The following ZNF521 variants were observed in gnomAD, a reference collection of about 807,000 sequenced individuals.
The protein encoded by ZNF521 is LYST-interacting protein 3.
Under a neutral mutation model 105.5 loss-of-function variants are expected in ZNF521, and 14 were observed. The ratio of observed to expected loss-of-function variants is 0.13; its 90% CI spans 0.09 to 0.21. The LOEUF (loss-of-function observed/expected upper bound fraction) is 0.21, where lower values mean the gene tolerates loss of function less well. ZNF521 is among the 10% of genes least tolerant of loss of function. The probability of loss-of-function intolerance (pLI) is 1.00; values close to 1 mark genes in which losing one functional copy is unlikely to be tolerated. For missense variants in ZNF521, 1,233 were observed against 1,629.7 expected, an observed-to-expected ratio of 0.76 and a Z score of 4.19; for synonymous variants, 635 against 606.0, an observed-to-expected ratio of 1.05 and a Z score of -0.70.
chr18:25,082,879 G>C (rs1452636444), intron 7 of ZNF521, among the ~76,000 whole-genome samples: 1 of 149,180 alleles, frequency 6.7e-6, no homozygotes, highest in Admixed American at 6.7e-5. Context: ...ATTAAGCTCT[G>C]TAGGAAATAA....
intron 3 of ZNF521, among the ~76,000 whole-genome samples, chr18:25,281,398 T>G (rs1039316287): frequency 6.6e-6 from 1 of 152,216 alleles, no homozygotes; most frequent in Non-Finnish European, 1.5e-5. Context: ...AAAGTACAAC[T>G]TTGGCCCAAA....
intron 2 of ZNF521, among the ~76,000 whole-genome samples, chr18:25,335,402 C>T (rs938314130): frequency 3.3e-4 from 50 of 152,270 alleles, no homozygotes; most frequent in African/African-American, 1.1e-3. Context: ...TCTGTATCCT[C>T]TCCTGTCCTC....
intron 7 of ZNF521, among the ~76,000 whole-genome samples, chr18:25,078,949 C>T (rs1281193226): frequency 6.6e-6 from 1 of 152,176 alleles, no homozygotes; most frequent in African/African-American, 2.4e-5. Flanking sequence ...TTCTGTGACC[C>T]TCTGCCGGCT....
intron 5 of ZNF521, among the ~76,000 whole-genome samples, chr18:25,144,285 C>A (rs567062727): frequency 6.6e-6 from 1 of 152,092 alleles, no homozygotes; most frequent in East Asian, 1.9e-4. Flanking sequence ...CTTCTGTGAG[C>A]GCACTCTCTC....
At chr18:25,092,159 C>A in intron 5 of ZNF521, 78 bp from the exon 6 acceptor site, 1 of 1,526,324 alleles carries the variant, frequency 6.6e-7, no homozygotes, top group South Asian at 1.2e-5. Context: ...TCTTTAATTG[C>A]ATATATTAAA....
intron 3 of ZNF521, among the ~76,000 whole-genome samples, chr18:25,316,194 C>T (rs771543437): frequency 2.0e-5 from 3 of 150,554 alleles, no homozygotes; most frequent in South Asian, 2.1e-4. Context: ...GACCATGGAA[C>T]GGGCAGGGAG....
chr18:25,181,905 A>G (rs1485375461), intron 5 of ZNF521, among the ~76,000 whole-genome samples: 1 of 152,238 alleles, frequency 6.6e-6, no homozygotes, highest in Non-Finnish European at 1.5e-5. Flanking sequence ...ACCTGCATTA[A>G]GGAAACTGGT....
At chr18:25,086,155 C>T (rs916075733) in intron 7 of ZNF521, among the ~76,000 whole-genome samples, 1 of 152,014 alleles carries the variant, frequency 6.6e-6, no homozygotes, top group Non-Finnish European at 1.5e-5. Context: ...AAAATGGCTT[C>T]ATTTTTCTAC....
intron 5 of ZNF521, among the ~76,000 whole-genome samples, chr18:25,129,314 G>A (rs1268565306): frequency 4.0e-5 from 6 of 149,672 alleles, no homozygotes; most frequent in Non-Finnish European, 1.5e-5. Flanking sequence ...TCTAGACACA[G>A]ATCTTACACA....
In ZNF521 at chr18:25,100,777, C is replaced by T. The variant is rs192680275; in HGVS notation, c.3659-8696G>A. ...TGAAACTTGAATTCTTCTAATCAAA[C>T]GATGCCACCCCTTAGAGAAATTTGC... is the stretch of plus-strand genomic sequence containing the variant. On this transcript the variant is annotated intron_variant, in intron 5 of 7. Coordinates refer to ENST00000361524, the MANE Select transcript of ZNF521 (RefSeq NM_015461.3). Among the ~76,000 whole-genome samples, 1,449 of 152,136 alleles carry T rather than the reference C, an allele frequency of 9.5e-3. 15 individuals carry two copies. The highest frequency in any genetic ancestry group is 0.016 in the Non-Finnish European group (1,101 of 68,000).
intron 5 of ZNF521, among the ~76,000 whole-genome samples, chr18:25,116,955 G>GTATATATGTA (rs1406879643): frequency 1.8e-5 from 2 of 108,824 alleles, no homozygotes; most frequent in Non-Finnish European, 3.6e-5. Context: ...ACATATATAT[G>GTATATATGTA]TATATATGTA....
chr18:25,105,874 G>A (rs540957745), intron 5 of ZNF521, among the ~76,000 whole-genome samples: 28 of 152,246 alleles, frequency 1.8e-4, no homozygotes, highest in African/African-American at 6.0e-4. Context: ...TGTTGATAAC[G>A]TATGTTTAGT....
chr18:25,338,703 C>A (rs74618334), intron 2 of ZNF521, among the ~76,000 whole-genome samples: 1 of 152,106 alleles, frequency 6.6e-6, no homozygotes, highest in African/African-American at 2.4e-5. Flanking sequence ...TGAGCCATTG[C>A]GCCCAGTCAT....
intron 2 of ZNF521, among the ~76,000 whole-genome samples, chr18:25,338,944 A>C (rs1914048732): frequency 6.6e-6 from 1 of 152,208 alleles, no homozygotes; most frequent in Admixed American, 6.5e-5. Context: ...GTATTTAGAG[A>C]GCATTCTAAG....
At chr18:25,069,355 G>T (rs1310092208) in intron 7 of ZNF521, among the ~76,000 whole-genome samples, 2 of 152,094 alleles carry the variant, frequency 1.3e-5, no homozygotes, top group Non-Finnish European at 2.9e-5. Flanking sequence ...TCTTAATAAG[G>T]TTAACAGGAT....
chr18:25,068,026 A>T (rs956571299), intron 7 of ZNF521, among the ~76,000 whole-genome samples: 6 of 152,168 alleles, frequency 3.9e-5, no homozygotes, highest in African/African-American at 1.4e-4. Flanking sequence ...AAGAGCCAGC[A>T]CGCTATTTTA....
At chr18:25,348,543 G>C (rs1260771725) in intron 2 of ZNF521, among the ~76,000 whole-genome samples, 2 of 152,142 alleles carry the variant, frequency 1.3e-5, no homozygotes, top group Non-Finnish European at 2.9e-5. Context: ...ATCCCCAAAA[G>C]CCCAGCCAGC....
chr18:25,161,921 C>T lies in ZNF521; in HGVS notation c.3658+33239G>A, dbSNP rs77189610. Among the ~76,000 whole-genome samples the T allele has an allele frequency of 7.0e-4, 106 of 152,238 alleles. 1 individual carries two copies. In the East Asian group the frequency reaches 9.3e-3, roughly 13 times the overall value. On this transcript the variant is annotated intron_variant, in intron 5 of 7. Transcript: ENST00000361524. ...CCAACCACTTCATTAACAATGATGG[C>T]GGGTTACAACATGACAAGCAGTGGT...
intron 5 of ZNF521, among the ~76,000 whole-genome samples, chr18:25,176,621 T>C (rs1600121412): frequency 1.3e-5 from 2 of 152,288 alleles, no homozygotes; most frequent in South Asian, 2.1e-4. Flanking sequence ...ACTCAGCATT[T>C]GGGGACTTGG....
Sources: allele counts gnomAD v4.1 joint callset (sites outside exome capture counted in the v4.1 genomes callset), GRCh38; gene constraint gnomAD v4.1.1; transcripts MANE v1.5; gene names NCBI Gene and HGNC (gene_info 2026-07-23, HGNC 2026-07-21).